The following AMZ1 variants were observed in gnomAD, a reference collection of about 807,000 sequenced individuals.
AMZ1 encodes the protein archaemetzincin-1.
A neutral mutation model predicts 29.9 loss-of-function variants in AMZ1; 39 were observed. The observed-to-expected ratio is 1.30, with a 90% confidence interval of 1.01 to 1.70. The LOEUF (loss-of-function observed/expected upper bound fraction) is 1.70. Ranked by LOEUF, AMZ1 falls within the 40% of genes most tolerant of loss-of-function variation. AMZ1 has a pLI of 0.00. For synonymous variants in AMZ1, 458 were observed against 304.0 expected (o/e 1.51, Z -5.27); for missense variants, 1,041 against 680.6 (o/e 1.53, Z -5.89).
chr7:2,737,929 T>C (rs1202453337), intron 4 of AMZ1, among the ~76,000 whole-genome samples: 1 of 152,174 alleles, frequency 6.6e-6, no homozygotes, highest in Non-Finnish European at 1.5e-5. Flanking sequence ...AAAGAAATCC[T>C]CATTTTGAAC....
Position 2,691,178 on chromosome 7 carries a change from T to C in AMZ1, c.-219+2882T>C, listed in dbSNP as rs1431919996. 6.3e-5 allele frequency among the ~76,000 whole-genome samples: 9 copies of C among 141,740 alleles called. 1 individual carries two copies. The allele number at this position is 141,740 out of a possible 152,430, so 93.0% of individuals were successfully genotyped here. ...ATTTCTCATTTCCTGATGCTTTGCCTGGAGTAGGAGGGTTTGCTGGCAGGG... is the reference window on the plus strand; with the variant it reads ...ATTTCTCATTTCCTGATGCTTTGCCCGGAGTAGGAGGGTTTGCTGGCAGGG... On this transcript the variant is annotated intron_variant, in intron 1 of 6. Transcript: ENST00000683327.
upstream of AMZ1, among the ~76,000 whole-genome samples, chr7:2,761,385 G>C (rs1246055938): frequency 6.6e-6 from 1 of 152,222 alleles, no homozygotes; most frequent in Admixed American, 6.5e-5. Flanking sequence ...CCTGAAACCA[G>C]ACATCTGTGC....
chr7:2,752,934 C>G (rs1466012944), intron 4 of AMZ1, among the ~76,000 whole-genome samples: 1 of 152,176 alleles, frequency 6.6e-6, no homozygotes, highest in Non-Finnish European at 1.5e-5. Flanking sequence ...ATTTGTGTAA[C>G]CACCACTGCA....
At chr7:2,736,100 A>G (rs1188845841) in intron 4 of AMZ1, among the ~76,000 whole-genome samples, 1 of 152,204 alleles carries the variant, frequency 6.6e-6, no homozygotes, top group Non-Finnish European at 1.5e-5. Flanking sequence ...TAAAAGGGCC[A>G]GGTTTACAAT....
Position 2,712,591 on chromosome 7 carries a change from A to C in AMZ1, c.1210A>C (p.Ile404Leu). 2 of 1,612,556 alleles carry C rather than the reference A, an allele frequency of 1.2e-6. No homozygotes were observed. The highest frequency in any genetic ancestry group is 1.7e-6 in the Non-Finnish European group (2 of 1,179,684). ...GCCACCTGGGGGCCCTGCGGAGGCC[A>C]TCAAGGAGCATGAACGGTGGCTGGC... ...PLPPGGPAEA[I>L]KEHERWLAMC... Residue 404 changes from isoleucine (I) to leucine (L), a missense_variant, in exon 7 of 7, where the codon ATC (isoleucine) becomes CTC (leucine). Physicochemically the swap from Ile to Leu is conservative, Grantham distance 5. Coordinates refer to ENST00000683327, the MANE Select transcript of AMZ1 (RefSeq NM_001384743.1).
Position 2,712,924 on chromosome 7 carries a change from A to T in AMZ1, c.*46A>T. 6.7e-7 allele frequency: 1 copy of T among 1,497,284 alleles called. No individual in the cohort carries two copies. Among genetic ancestry groups the T allele is most frequent in the Non-Finnish European group, 8.9e-7 (1 of 1,123,180 alleles). The allele number at this position is 1,497,284 out of a possible 1,614,324, so 92.7% of individuals were successfully genotyped here. A position where few individuals can be genotyped will look rare whatever the true frequency, so the allele number is the denominator to read the frequency against. On this transcript the variant is annotated 3_prime_UTR_variant, in exon 7 of 7. Transcript: ENST00000683327. ...GTCTCCTTCCCTAAGGATGCTGGCC[A>T]GCACTGTCCAGTAGCTGAGGCCACT...
At chr7:2,726,122 CAT>C (rs1283619444) in intron 4 of AMZ1, among the ~76,000 whole-genome samples, 1 of 152,216 alleles carries the variant, frequency 6.6e-6, no homozygotes, top group African/African-American at 2.4e-5. Context: ...CTGCTAAGCA[CAT>C]GTGATGCACC....
At position 2,715,440 on chromosome 7, in the gene AMZ1, T is replaced by C. The variant is rs919290781; in HGVS notation, c.*2562T>C. 1.3e-5 allele frequency: 2 copies of C among 152,326 alleles called. No homozygotes were observed. Among genetic ancestry groups the C allele is most frequent in the East Asian group, 1.9e-4 (1 of 5,312 alleles). 9.4% of individuals were successfully genotyped at this position (152,326 alleles called of 1,614,324 possible). ...TTAAACAGAGGTGATAAAAATAGAA[T>C]GCCTGGCTCATGCTGAGGGTGGGAG... On this transcript the variant is annotated 3_prime_UTR_variant, in exon 7 of 7. Coordinates refer to ENST00000683327, the MANE Select transcript of AMZ1 (RefSeq NM_001384743.1).
chr7:2,727,243 A>G (rs6944607), intron 4 of AMZ1, among the ~76,000 whole-genome samples: 70,613 of 151,662 alleles, frequency 0.47, 17,199 homozygotes, highest in African/African-American at 0.61. Flanking sequence ...CACCACACCC[A>G]GCTAATTTTT....
intron 1 of AMZ1, among the ~76,000 whole-genome samples, chr7:2,693,951 T>C (rs1188594859): frequency 6.6e-6 from 1 of 152,190 alleles, no homozygotes; most frequent in Non-Finnish European, 1.5e-5. Flanking sequence ...CTGGAGCACC[T>C]AACTCCATGG....
upstream of AMZ1, among the ~76,000 whole-genome samples, chr7:2,685,480 C>T (rs1196615660): frequency 3.3e-5 from 5 of 151,630 alleles, no homozygotes; most frequent in Non-Finnish European, 7.4e-5. Context: ...ATCGCTTGAA[C>T]CCAGGAAGTG....
At position 2,712,536 on chromosome 7, in the gene AMZ1, G is replaced by A; in HGVS notation, c.1155G>A (p.Leu385=). ...HTFASGPEEG[L]SYLAASEAPL... Reference sequence around the variant, plus strand: ...TCGCCTCGGGGCCAGAGGAAGGGCTGAGCTACCTGGCAGCCTCAGAGGCTC... The same window carrying A: ...TCGCCTCGGGGCCAGAGGAAGGGCTAAGCTACCTGGCAGCCTCAGAGGCTC... The change falls in exon 7 of 7, where the codon CTG becomes CTA. Residue 385 remains leucine (L), a synonymous_variant. Coordinates refer to ENST00000683327, the MANE Select transcript of AMZ1 (RefSeq NM_001384743.1). 1 of 1,608,828 alleles carries A rather than the reference G, an allele frequency of 6.2e-7. No individual in the cohort carries two copies. Among genetic ancestry groups the A allele is most frequent in the South Asian group, 1.1e-5 (1 of 90,636 alleles).
At chr7:2,706,901 C>T (rs1788386107) in intron 3 of AMZ1, among the ~76,000 whole-genome samples, 1 of 144,174 alleles carries the variant, frequency 6.9e-6, no homozygotes, top group Admixed American at 6.7e-5. Context: ...AGGAAGATTG[C>T]TTGAGCCCAG....
downstream of AMZ1, among the ~76,000 whole-genome samples, chr7:2,721,799 A>T (rs1039168496): frequency 6.6e-6 from 1 of 152,142 alleles, no homozygotes; most frequent in Non-Finnish European, 1.5e-5. Flanking sequence ...AGGCAGGGAC[A>T]TAACACGCCA....
chr7:2,707,413 G>A (rs1788423790), intron 3 of AMZ1, among the ~76,000 whole-genome samples: 1 of 152,036 alleles, frequency 6.6e-6, no homozygotes, highest in Non-Finnish European at 1.5e-5. Flanking sequence ...CACTAACTCT[G>A]AGACCCTCTC....
In AMZ1 at chr7:2,718,897, C is replaced by T. The variant is rs563794265; in HGVS notation, c.*6019C>T. ...AGTGGGTTGGAAGAGGCAGAGAACA[C>T]GCTTTTCTCAGGGTCGCTTAACACA... is the stretch of plus-strand genomic sequence containing the variant. On this transcript the variant is annotated 3_prime_UTR_variant, in exon 7 of 7. Transcript: ENST00000683327. Among the ~76,000 whole-genome samples, 107 of 152,236 alleles carry T rather than the reference C, an allele frequency of 7.0e-4. No individual in the cohort carries two copies. The highest frequency in any genetic ancestry group is 1.2e-3 in the South Asian group (6 of 4,828).
chr7:2,723,600 C>T (rs1192341401), downstream of AMZ1, among the ~76,000 whole-genome samples: 6 of 152,198 alleles, frequency 3.9e-5, no homozygotes, highest in South Asian at 4.1e-4. Context: ...GAGGGGTTCA[C>T]GCTGCTGGCC....
chr7:2,709,664 C>A lies in AMZ1; in HGVS notation c.796C>A (p.Leu266Ile). The A allele has an allele frequency of 6.2e-7, 1 of 1,610,334 alleles. No homozygotes were observed. The highest frequency in any genetic ancestry group is 1.1e-5 in the South Asian group (1 of 90,964). Residue 266 changes from leucine to isoleucine, a missense_variant, in exon 6 of 7, where the codon CTT becomes ATT. Leu to Ile is a conservative substitution (Grantham distance 5, BLOSUM62 2). Transcript: ENST00000683327. ...GGTCACGTGCCACGAGCTCTGCCAC[C>A]TTCTGGGCCTGGGGAACTGCCGCTG... is the stretch of plus-strand genomic sequence containing the variant. The part of the protein sequence containing the change: ...CKVTCHELCH[L>I]LGLGNCRWLR...
chr7:2,745,334 T>G (rs1404098804), intron 4 of AMZ1, among the ~76,000 whole-genome samples: 1 of 152,248 alleles, frequency 6.6e-6, no homozygotes, highest in Non-Finnish European at 1.5e-5. Context: ...GCAGAAACTC[T>G]GCAAGCCAGA....
Sources: allele counts gnomAD v4.1 joint callset (sites outside exome capture counted in the v4.1 genomes callset), GRCh38; gene constraint gnomAD v4.1.1; transcripts MANE v1.5; gene names NCBI Gene and HGNC (gene_info 2026-07-23, HGNC 2026-07-21).